Variants in CREM observed in about 807,000 individuals in gnomAD.
The protein encoded by CREM is cAMP-responsive element modulator.
Under a neutral mutation model 37.3 loss-of-function variants are expected in CREM, and 13 were observed. The ratio of observed to expected loss-of-function variants is 0.35; its 90% CI spans 0.23 to 0.55. The LOEUF is 0.55. Among genes scored for constraint, CREM ranks in the 20% least tolerant of loss-of-function variants. The pLI is 0.88. For synonymous variants in CREM, 124 were observed against 120.2 expected (o/e 1.03, Z -0.21); for missense variants, 296 against 362.3 (o/e 0.82, Z 1.49).
At chr10:35,145,308 A>C (rs1006484807) in intron 2 of CREM, among the ~76,000 whole-genome samples, 1 of 151,814 alleles carries the variant, frequency 6.6e-6, no homozygotes, top group Non-Finnish European at 1.5e-5. Flanking sequence ...CCAATCACCT[A>C]TTCTGTTTCC....
chr10:35,183,282 G>T (rs1416212402), intron 5 of CREM, among the ~76,000 whole-genome samples: 1 of 151,998 alleles, frequency 6.6e-6, no homozygotes, highest in Non-Finnish European at 1.5e-5. Flanking sequence ...TGAACTTTGT[G>T]GACTCCTTAT....
intron 3 of CREM, among the ~76,000 whole-genome samples, chr10:35,172,779 A>G (rs1161321051): frequency 6.6e-6 from 1 of 152,300 alleles, no homozygotes; most frequent in Admixed American, 6.5e-5. Flanking sequence ...GAGTGCCAAG[A>G]TGAATTAGCT....
chr10:35,146,576 G>T (rs2092136419), intron 2 of CREM, among the ~76,000 whole-genome samples: 1 of 152,300 alleles, frequency 6.6e-6, no homozygotes, highest in South Asian at 2.1e-4. Flanking sequence ...AACACTTCAT[G>T]TGTGATGATG....
At chr10:35,170,286 G>C (rs1408194149) in intron 3 of CREM, among the ~76,000 whole-genome samples, 1 of 152,092 alleles carries the variant, frequency 6.6e-6, no homozygotes, top group Non-Finnish European at 1.5e-5. Flanking sequence ...TTGATGTGCT[G>C]CTGGATTCAG....
At chr10:35,167,544 C>A in intron 3 of CREM, 1 of 585,542 alleles carries the variant, frequency 1.7e-6, no homozygotes, top group South Asian at 2.4e-5. Context: ...AACCTAGCTA[C>A]GGGTCAGAGC....
At chr10:35,188,965 C>CA (rs1215349302) in intron 6 of CREM, among the ~76,000 whole-genome samples, 38 of 152,200 alleles carry the variant, frequency 2.5e-4, no homozygotes, top group African/African-American at 8.4e-4. Flanking sequence ...TGAGCCACCG[C>CA]ACCCGGCCAC....
intron 2 of CREM, among the ~76,000 whole-genome samples, chr10:35,140,181 C>T (rs367818102): frequency 6.6e-6 from 1 of 152,044 alleles, no homozygotes; most frequent in Non-Finnish European, 1.5e-5. Context: ...TTGTACTAAA[C>T]GGCATGAACT....
intron 2 of CREM, among the ~76,000 whole-genome samples, chr10:35,139,681 T>C (rs1394707185): frequency 6.6e-6 from 1 of 152,240 alleles, no homozygotes; most frequent in African/African-American, 2.4e-5. Context: ...ACTATGTTTA[T>C]TTAATATTAT....
chr10:35,136,717 A>C lies in CREM; in HGVS notation c.-54-1065A>C, dbSNP rs1410382655. Among the ~76,000 whole-genome samples, 3 of 152,056 alleles carry C rather than the reference A, an allele frequency of 2.0e-5. No individual in the cohort carries two copies. In the East Asian group the frequency reaches 5.8e-4, roughly 29 times the overall value. ...CTGTCTAAGCACTGCTGTTGCTGGCAGAGGTATCTAGAGGTTACTTAGGGA... is the reference window on the plus strand; with the variant it reads ...CTGTCTAAGCACTGCTGTTGCTGGCCGAGGTATCTAGAGGTTACTTAGGGA... On this transcript the variant is annotated intron_variant, in intron 1 of 7. Transcript: ENST00000685392.
intron 1 of CREM, among the ~76,000 whole-genome samples, chr10:35,131,943 C>T (rs1000541206): frequency 8.5e-5 from 13 of 152,066 alleles, no homozygotes; most frequent in Non-Finnish European, 1.5e-4. Flanking sequence ...TGGCCGGGTG[C>T]GGTGGCTCAC....
chr10:35,190,202 G>A (rs922007162), intron 6 of CREM, among the ~76,000 whole-genome samples: 2 of 152,008 alleles, frequency 1.3e-5, no homozygotes, highest in East Asian at 1.9e-4. Context: ...TGTGCCTTGG[G>A]GTTTTTAAGA....
chr10:35,144,451 A>G (rs1054380717), intron 2 of CREM, among the ~76,000 whole-genome samples: 33 of 152,332 alleles, frequency 2.2e-4, no homozygotes, highest in African/African-American at 7.7e-4. Context: ...TGAGATGCTC[A>G]GTAGGAGGGA....
chr10:35,210,500 G>A (rs922543478), intron 7 of CREM: 1 of 152,182 alleles, frequency 6.6e-6, no homozygotes, highest in Non-Finnish European at 1.5e-5. Context: ...AAATGCATGT[G>A]ATTAGGAAAC....
intron 1 of CREM, among the ~76,000 whole-genome samples, chr10:35,133,985 A>G (rs2089946379): frequency 1.3e-5 from 2 of 152,102 alleles, no homozygotes; most frequent in African/African-American, 4.8e-5. Context: ...TTTAATTCTT[A>G]TATATACCTA....
intron 5 of CREM, among the ~76,000 whole-genome samples, chr10:35,180,737 A>C (rs1385233714): frequency 1.3e-5 from 2 of 152,156 alleles, no homozygotes; most frequent in African/African-American, 2.4e-5. Flanking sequence ...TAGAACTGTA[A>C]AACTGAATAT....
At chr10:35,147,447 A>G (rs2092257856) in intron 2 of CREM, among the ~76,000 whole-genome samples, 1 of 152,200 alleles carries the variant, frequency 6.6e-6, no homozygotes, top group African/African-American at 2.4e-5. Context: ...AAAAGAGTCC[A>G]TATAGAAATC....
At chr10:35,157,925 A>G (rs1824608855) in intron 3 of CREM, among the ~76,000 whole-genome samples, 1 of 152,202 alleles carries the variant, frequency 6.6e-6, no homozygotes, top group Non-Finnish European at 1.5e-5. Flanking sequence ...TATAAAAACC[A>G]GTATTGTTTT....
At chr10:35,127,356 C>T (rs1235358475) in intron 1 of CREM, 163 bp downstream of exon 1, 1 of 152,048 alleles carries the variant, frequency 6.6e-6, no homozygotes, top group East Asian at 1.9e-4. Flanking sequence ...GGGCCAAGGA[C>T]TGGCGGGGCA....
At chr10:35,145,964 A>G (rs564581558) in intron 2 of CREM, among the ~76,000 whole-genome samples, 1 of 152,294 alleles carries the variant, frequency 6.6e-6, no homozygotes, top group South Asian at 2.1e-4. Flanking sequence ...ATTTTTTACA[A>G]CAAATACTTC....
Sources: allele counts gnomAD v4.1 joint callset (sites outside exome capture counted in the v4.1 genomes callset), GRCh38; gene constraint gnomAD v4.1.1; transcripts MANE v1.5; gene names NCBI Gene and HGNC (gene_info 2026-07-23, HGNC 2026-07-21).